TCERG1L: variants seen among roughly 807,000 people sequenced by gnomAD.
The protein encoded by TCERG1L is transcription elongation regulator 1-like protein.
A neutral mutation model predicts 56.3 loss-of-function variants in TCERG1L; 37 were observed. That is an observed-to-expected ratio of 0.66 (90% CI 0.51 to 0.87). The LOEUF (loss-of-function observed/expected upper bound fraction) is 0.87, where lower values mean the gene tolerates loss of function less well. TCERG1L is among the 40% of genes least tolerant of loss of function. TCERG1L has a pLI of 0.00. For missense variants in TCERG1L, 799 were observed against 774.2 expected (o/e 1.03, Z -0.38); for synonymous variants, 324 against 326.3 (o/e 0.99, Z 0.08).
At chr10:131,152,946 G>A (rs1443831238) in intron 6 of TCERG1L, among the ~76,000 whole-genome samples, 6 of 152,142 alleles carry the variant, frequency 3.9e-5, no homozygotes, top group Non-Finnish European at 5.9e-5. Flanking sequence ...TGGGGGAAAT[G>A]GCCCCCATGA....
At chr10:131,144,890 A>C (rs1295452367) in intron 7 of TCERG1L, among the ~76,000 whole-genome samples, 1 of 152,220 alleles carries the variant, frequency 6.6e-6, no homozygotes, top group Admixed American at 6.5e-5. Context: ...GTCCACCCAC[A>C]GTCCTGGCGA....
rs534124806 is a variant in TCERG1L at position 131,281,924 on chromosome 10, C to T, written c.671-21480G>A. ...GGCCGAGGCTGGCGGATCACGAGGT[C>T]AGGAGATCGAGACCATCCTGGCTAA... On this transcript the variant is annotated intron_variant, in intron 3 of 11. Coordinates refer to ENST00000368642, the MANE Select transcript of TCERG1L (RefSeq NM_174937.4). 1.5e-4 allele frequency among the ~76,000 whole-genome samples: 23 copies of T among 152,204 alleles called. No individual in the cohort carries two copies. The South Asian group carries it at 3.9e-3, about 26-fold the overall frequency.
At chr10:131,234,776 T>TCACCGC (rs1845895976) in intron 4 of TCERG1L, among the ~76,000 whole-genome samples, 1 of 152,242 alleles carries the variant, frequency 6.6e-6, no homozygotes. Context: ...TGATCTTGGC[T>TCACCGC]CACCGCCACC....
intron 4 of TCERG1L, among the ~76,000 whole-genome samples, chr10:131,258,586 G>A (rs927646542): frequency 4.6e-5 from 7 of 152,200 alleles, no homozygotes; most frequent in Non-Finnish European, 8.8e-5. Context: ...CCTGTCCTAT[G>A]GGCAGGGTTT....
intron 3 of TCERG1L, among the ~76,000 whole-genome samples, chr10:131,268,452 G>A (rs1256111167): frequency 6.6e-6 from 1 of 152,030 alleles, no homozygotes; most frequent in East Asian, 1.9e-4. Flanking sequence ...AATTAGTCTT[G>A]CCTTCAACTT....
chr10:131,308,610 T>C (rs1411523040), intron 2 of TCERG1L, among the ~76,000 whole-genome samples: 1 of 152,236 alleles, frequency 6.6e-6, no homozygotes, highest in Non-Finnish European at 1.5e-5. Flanking sequence ...CCTTCAACTA[T>C]TGACTTGGTC....
chr10:131,102,678 T>C (rs1005878372), intron 10 of TCERG1L, among the ~76,000 whole-genome samples: 14 of 152,106 alleles, frequency 9.2e-5, no homozygotes, highest in African/African-American at 3.4e-4. Context: ...CCCTTCCACG[T>C]GCATCATTTC....
chr10:131,176,680 C>A (rs370654879), intron 4 of TCERG1L, among the ~76,000 whole-genome samples: 42 of 2,066 alleles, frequency 0.02, no homozygotes, highest in Admixed American at 0.049. Flanking sequence ...GTACACACAC[C>A]AAGAAACATG....
intron 8 of TCERG1L, among the ~76,000 whole-genome samples, chr10:131,122,241 G>C (rs56333118): frequency 0.19 from 28,335 of 152,130 alleles, 3,094 homozygotes; most frequent in Admixed American, 0.26. Context: ...GTATTCATAA[G>C]GAAACCTCTC....
At chr10:131,304,693 C>A (rs1166129471) in intron 3 of TCERG1L, among the ~76,000 whole-genome samples, 1 of 152,076 alleles carries the variant, frequency 6.6e-6, no homozygotes, top group African/African-American at 2.4e-5. Flanking sequence ...TAATTGGAGA[C>A]CTTAATTTCC....
At chr10:131,143,490 C>T (rs891469720) in intron 7 of TCERG1L, among the ~76,000 whole-genome samples, 11 of 152,124 alleles carry the variant, frequency 7.2e-5, no homozygotes, top group Non-Finnish European at 1.6e-4. Flanking sequence ...CAGGCTGCAC[C>T]AAATGTCCCA....
chr10:131,235,330 A>C (rs1845902130), intron 4 of TCERG1L, among the ~76,000 whole-genome samples: 1 of 152,198 alleles, frequency 6.6e-6, no homozygotes. Flanking sequence ...ACATGCAGGG[A>C]ATGGCTCTTC....
chr10:131,189,240 G>A (rs1251120722), intron 4 of TCERG1L, among the ~76,000 whole-genome samples: 2 of 152,078 alleles, frequency 1.3e-5, no homozygotes, highest in Admixed American at 1.3e-4. Flanking sequence ...TGCATAGATA[G>A]GGTAATGGTC....
chr10:131,108,253 C>G (rs1303500527), intron 9 of TCERG1L, among the ~76,000 whole-genome samples: 1 of 152,190 alleles, frequency 6.6e-6, no homozygotes, highest in East Asian at 1.9e-4. Context: ...AGACATCCTT[C>G]AAGCTTTAGC....
intron 8 of TCERG1L, among the ~76,000 whole-genome samples, chr10:131,123,516 G>A (rs974505254): frequency 6.6e-6 from 1 of 152,184 alleles, no homozygotes; most frequent in Non-Finnish European, 1.5e-5. Context: ...GGCAGTGAGG[G>A]GAGGGTGTGG....
intron 10 of TCERG1L, among the ~76,000 whole-genome samples, chr10:131,098,967 T>C (rs1845277388): frequency 6.6e-6 from 1 of 152,192 alleles, no homozygotes; most frequent in South Asian, 2.1e-4. Flanking sequence ...GCATCTCTGA[T>C]CCCCACTTGT....
intron 8 of TCERG1L, among the ~76,000 whole-genome samples, chr10:131,119,462 T>C (rs1469771991): frequency 2.0e-5 from 3 of 152,192 alleles, no homozygotes; most frequent in African/African-American, 4.8e-5. Context: ...CCAAAGGGTA[T>C]AATTAGGATT....
At chr10:131,158,615 G>A (rs1049621505) in intron 6 of TCERG1L, among the ~76,000 whole-genome samples, 2 of 152,262 alleles carry the variant, frequency 1.3e-5, no homozygotes, top group South Asian at 2.1e-4. Context: ...CTGCTTGGCC[G>A]GCCCACCTAT....
At chr10:131,306,000 T>C (rs1301573903) in intron 3 of TCERG1L, among the ~76,000 whole-genome samples, 1 of 152,162 alleles carries the variant, frequency 6.6e-6, no homozygotes, top group Non-Finnish European at 1.5e-5. Flanking sequence ...TTTTAGTAAT[T>C]ACAGCATATA....
Sources: allele counts gnomAD v4.1 joint callset (sites outside exome capture counted in the v4.1 genomes callset), GRCh38; gene constraint gnomAD v4.1.1; transcripts MANE v1.5; gene names NCBI Gene and HGNC (gene_info 2026-07-23, HGNC 2026-07-21).